Variants in FER1L6 observed in about 807,000 individuals in gnomAD.
The protein encoded by FER1L6 is fer-1 like family member 6.
In FER1L6, 177 loss-of-function variants were observed where a neutral mutation model predicts 219.2. The ratio of observed to expected loss-of-function variants is 0.81; its 90% CI spans 0.71 to 0.91. The LOEUF is 0.91. Ranked by LOEUF, FER1L6 falls within the 40% of genes least tolerant of loss-of-function variation. The probability of loss-of-function intolerance (pLI) is 0.00; values close to 1 mark genes in which losing one functional copy is unlikely to be tolerated. For missense variants in FER1L6, 2,153 were observed against 2,259.9 expected, an observed-to-expected ratio of 0.95 and a Z score of 0.96; for synonymous variants, 768 against 824.3, an observed-to-expected ratio of 0.93 and a Z score of 1.17.
intron 5 of FER1L6, among the ~76,000 whole-genome samples, chr8:123,968,086 T>A (rs1311804502): frequency 6.6e-6 from 1 of 152,178 alleles, no homozygotes; most frequent in Non-Finnish European, 1.5e-5. Flanking sequence ...TTCCTCTTCA[T>A]CATTTCTGCC....
intron 32 of FER1L6, 84 bp from the exon 33 acceptor site, chr8:124,082,204 C>A: frequency 9.6e-7 from 1 of 1,039,716 alleles, no homozygotes; most frequent in Non-Finnish European, 1.4e-6. Context: ...ACATGAATAG[C>A]GGGCTAGCTA....
chr8:123,879,840 G>A (rs987596719), intron 1 of FER1L6, among the ~76,000 whole-genome samples: 1 of 152,114 alleles, frequency 6.6e-6, no homozygotes, highest in Non-Finnish European at 1.5e-5. Context: ...CTCTGCCAGG[G>A]AGCACATGTT....
intron 12 of FER1L6, among the ~76,000 whole-genome samples, chr8:123,990,909 A>G (rs747060766): frequency 1.1e-4 from 17 of 152,148 alleles, no homozygotes; most frequent in Non-Finnish European, 2.5e-4. Context: ...ATACAGATCC[A>G]GTTTTATTCT....
chr8:124,031,214 G>A (rs1818952462), intron 18 of FER1L6, among the ~76,000 whole-genome samples: 2 of 151,872 alleles, frequency 1.3e-5, no homozygotes, highest in South Asian at 4.2e-4. Context: ...ATTCACAAAA[G>A]GTAGATTAAT....
At chr8:124,076,711 CA>C (rs772291108) in intron 32 of FER1L6, among the ~76,000 whole-genome samples, 10 of 152,130 alleles carry the variant, frequency 6.6e-5, no homozygotes, top group Non-Finnish European at 1.2e-4. Flanking sequence ...TTGAACAGAG[CA>C]GAGATTTCCT....
chr8:124,114,231 C>G (rs982077847), intron 39 of FER1L6, among the ~76,000 whole-genome samples: 1 of 152,040 alleles, frequency 6.6e-6, no homozygotes, highest in Non-Finnish European at 1.5e-5. Flanking sequence ...CCCCCACCCC[C>G]CAAAAAGATA....
intron 23 of FER1L6, 54 bp downstream of exon 23, chr8:124,060,344 C>T (rs765919264): frequency 2.6e-6 from 4 of 1,548,930 alleles, no homozygotes; most frequent in Non-Finnish European, 3.6e-6. Context: ...GGCAGTGGCC[C>T]CACCTGAATT....
chr8:124,084,902 G>A (rs1821719713), intron 33 of FER1L6, among the ~76,000 whole-genome samples: 1 of 152,078 alleles, frequency 6.6e-6, no homozygotes, highest in South Asian at 2.1e-4. Context: ...TTCTTTGCTA[G>A]GAGACTTTTT....
chr8:124,031,635 T>A (rs1216589444), intron 18 of FER1L6, among the ~76,000 whole-genome samples: 2 of 152,158 alleles, frequency 1.3e-5, no homozygotes, highest in African/African-American at 4.8e-5. Flanking sequence ...GGGGTTCTGG[T>A]TTCTGTGACC....
Position 123,963,166 on chromosome 8 carries a change from T to C in FER1L6, c.77-112T>C, listed in dbSNP as rs1190258994. ...TTTTATGCTGGCAGAGTCTGTCTTC[T>C]AGTCTCTTTGTACCACTTATGGTGC... On this transcript the variant is annotated intron_variant, in intron 2 of 40. Coordinates refer to ENST00000522917, the MANE Select transcript of FER1L6 (RefSeq NM_001039112.2). 3 of 1,368,610 alleles carry C rather than the reference T, an allele frequency of 2.2e-6. No individual in the cohort carries two copies. The Admixed American group carries it at 6.1e-5, about 28-fold the overall frequency. The allele number at this position is 1,368,610 out of a possible 1,614,324, so 84.8% of individuals were successfully genotyped here. A position where few individuals can be genotyped will look rare whatever the true frequency, so the allele number is the denominator to read the frequency against.
At chr8:123,940,248 G>A (rs185167829) in intron 1 of FER1L6, among the ~76,000 whole-genome samples, 1 of 152,310 alleles carries the variant, frequency 6.6e-6, no homozygotes, top group Admixed American at 6.5e-5. Flanking sequence ...GGTGGTGGTG[G>A]ATTTGTATTG....
chr8:123,896,817 C>T (rs1812750340), intron 1 of FER1L6, among the ~76,000 whole-genome samples: 1 of 152,126 alleles, frequency 6.6e-6, no homozygotes, highest in South Asian at 2.1e-4. Flanking sequence ...ACTCATGTCT[C>T]TAATCTCAGT....
chr8:124,100,143 T>C (rs1244830059), intron 37 of FER1L6, among the ~76,000 whole-genome samples: 1 of 152,110 alleles, frequency 6.6e-6, no homozygotes. Context: ...ACTCCCCTCC[T>C]CCCTGCCCTG....
intron 1 of FER1L6, among the ~76,000 whole-genome samples, chr8:123,875,829 A>G (rs531876972): frequency 1.3e-5 from 2 of 152,142 alleles, no homozygotes; most frequent in Non-Finnish European, 2.9e-5. Context: ...TTTATGTGCA[A>G]ATCCTGCAGG....
At chr8:123,957,595 A>G (rs1815079476) in intron 2 of FER1L6, among the ~76,000 whole-genome samples, 1 of 152,188 alleles carries the variant, frequency 6.6e-6, no homozygotes, top group South Asian at 2.1e-4. Context: ...AGAGAAGGTG[A>G]GTGGTTTGCC....
At chr8:123,958,139 A>G (rs1815100345) in intron 2 of FER1L6, among the ~76,000 whole-genome samples, 1 of 152,208 alleles carries the variant, frequency 6.6e-6, no homozygotes, top group African/African-American at 2.4e-5. Context: ...TTGTCCATTT[A>G]TTCAAAATAT....
intron 1 of FER1L6, among the ~76,000 whole-genome samples, chr8:123,898,996 C>T (rs894680928): frequency 4.0e-5 from 6 of 151,518 alleles, no homozygotes; most frequent in Middle Eastern, 3.2e-3. Flanking sequence ...CGTATAATGA[C>T]GTCTTTTCCT....
intron 1 of FER1L6, among the ~76,000 whole-genome samples, chr8:123,887,799 G>C (rs529599067): frequency 6.6e-6 from 1 of 152,272 alleles, no homozygotes; most frequent in South Asian, 2.1e-4. Context: ...TTGTTTGCAA[G>C]CATGTTATAG....
intron 22 of FER1L6, among the ~76,000 whole-genome samples, chr8:124,058,605 C>A (rs1464301585): frequency 6.6e-6 from 1 of 152,192 alleles, no homozygotes; most frequent in African/African-American, 2.4e-5. Flanking sequence ...AGCAAAACTT[C>A]TTTGGCCATT....
Sources: allele counts gnomAD v4.1 joint callset (sites outside exome capture counted in the v4.1 genomes callset), GRCh38; gene constraint gnomAD v4.1.1; transcripts MANE v1.5; gene names NCBI Gene and HGNC (gene_info 2026-07-23, HGNC 2026-07-21).